The following DOCK1 variants were observed in gnomAD, a reference collection of about 807,000 sequenced individuals.
DOCK1 encodes the protein dedicator of cytokinesis 1.
In DOCK1, 138 loss-of-function variants were observed where a neutral mutation model predicts 262.7. The ratio of observed to expected loss-of-function variants is 0.53; its 90% CI spans 0.46 to 0.61. The LOEUF (loss-of-function observed/expected upper bound fraction) is 0.61. DOCK1 is among the 20% of genes least tolerant of loss of function. The pLI, the probability that DOCK1 is intolerant of heterozygous loss-of-function variation, is 0.00. For missense variants in DOCK1, 1,908 were observed against 2,370.7 expected (o/e 0.80, Z 4.05); for synonymous variants, 866 against 867.4 (o/e 1.00, Z 0.03).
Position 127,418,668 on chromosome 10 carries a change from A to G in DOCK1, c.4692+127A>G, listed in dbSNP as rs978593551. 7 of 1,227,086 alleles carry G rather than the reference A, an allele frequency of 5.7e-6. No homozygotes were observed. The South Asian group carries it at 6.6e-5, about 12-fold the overall frequency. The allele number at this position is 1,227,086 out of a possible 1,614,324, so 76.0% of individuals were successfully genotyped here. On this transcript the variant is annotated intron_variant, in intron 45 of 51. Coordinates refer to ENST00000623213, the MANE Select transcript of DOCK1 (RefSeq NM_001290223.2). The stretch of plus-strand genomic sequence containing the variant: ...GAGCAATCTCAGCAGTGGCCCAGCC[A>G]AGGCCAGGCAGCAGCAGCCAGTGGC...
intron 1 of DOCK1, among the ~76,000 whole-genome samples, chr10:126,929,719 G>A (rs926810921): frequency 4.6e-5 from 7 of 152,090 alleles, no homozygotes; most frequent in Non-Finnish European, 5.9e-5. Context: ...GGACCATTGC[G>A]GGGAGGGGCA....
chr10:126,959,905 C>T lies in DOCK1; in HGVS notation c.47-10797C>T, dbSNP rs1044322676. On this transcript the variant is annotated intron_variant, in intron 1 of 51. Coordinates refer to ENST00000623213, the MANE Select transcript of DOCK1 (RefSeq NM_001290223.2). ...CAATCTCGGCTCACTGCAACCCCCG[C>T]CTCCCGGGTTTCTCCTGCCTCAGCT... 5.6e-3 allele frequency among the ~76,000 whole-genome samples: 851 copies of T among 152,190 alleles called. 5 individuals are homozygous for T. The highest frequency in any genetic ancestry group is 9.8e-3 in the Non-Finnish European group (666 of 67,994).
intron 44 of DOCK1, among the ~76,000 whole-genome samples, chr10:127,416,529 G>A (rs569564513): frequency 2.6e-5 from 4 of 152,220 alleles, no homozygotes; most frequent in South Asian, 4.1e-4. Context: ...GCTTCTCCTC[G>A]GGCTGCTTTG....
intron 40 of DOCK1, among the ~76,000 whole-genome samples, chr10:127,408,012 G>A (rs1215118848): frequency 2.0e-5 from 3 of 152,040 alleles, no homozygotes; most frequent in Non-Finnish European, 4.4e-5. Flanking sequence ...GCCCCTTTCT[G>A]TGACCGAGTT....
chr10:127,257,797 T>C (rs1056135478), intron 29 of DOCK1: 1 of 166,302 alleles, frequency 6.0e-6, no homozygotes, highest in Non-Finnish European at 1.3e-5. Context: ...AAGAGGCTTT[T>C]GCAAAGTGTT....
At chr10:127,412,162 C>T (rs1375087398) in intron 43 of DOCK1, among the ~76,000 whole-genome samples, 1 of 151,874 alleles carries the variant, frequency 6.6e-6, no homozygotes, top group Non-Finnish European at 1.5e-5. Flanking sequence ...CGGGGTTTCA[C>T]GGTGTTAGCC....
At chr10:127,088,122 C>A (rs1013581022) in intron 23 of DOCK1, among the ~76,000 whole-genome samples, 1 of 152,144 alleles carries the variant, frequency 6.6e-6, no homozygotes, top group Non-Finnish European at 1.5e-5. Context: ...ACTTGATAAC[C>A]AGTTCGCTGC....
chr10:126,926,171 C>A (rs570423771), intron 1 of DOCK1, among the ~76,000 whole-genome samples: 5 of 152,006 alleles, frequency 3.3e-5, no homozygotes, highest in Non-Finnish European at 7.4e-5. Flanking sequence ...ATGGGAGTAC[C>A]ATCGGGGCAC....
intron 27 of DOCK1, among the ~76,000 whole-genome samples, chr10:127,229,747 A>G (rs10829606): frequency 0.41 from 61,661 of 152,008 alleles, 12,736 homozygotes; most frequent in East Asian, 0.59. Context: ...GTATATTCTC[A>G]GAAGTGGGAT....
intron 1 of DOCK1, among the ~76,000 whole-genome samples, chr10:126,960,953 A>C (rs1451186034): frequency 6.6e-6 from 1 of 151,964 alleles, no homozygotes; most frequent in East Asian, 1.9e-4. Flanking sequence ...AAAGATATTA[A>C]AATGTCTTTT....
chr10:127,017,679 G>C (rs1245660995), intron 12 of DOCK1, among the ~76,000 whole-genome samples: 2 of 152,196 alleles, frequency 1.3e-5, no homozygotes, highest in African/African-American at 4.8e-5. Context: ...TGTTCTGAGG[G>C]GCAGATGAGG....
chr10:127,219,278 A>G (rs2134418281), intron 27 of DOCK1, among the ~76,000 whole-genome samples: 1 of 152,284 alleles, frequency 6.6e-6, no homozygotes, highest in South Asian at 2.1e-4. Flanking sequence ...GTGCTTTGCC[A>G]TCTTATCAAA....
chr10:127,049,241 G>T (rs1312797312), intron 21 of DOCK1, among the ~76,000 whole-genome samples: 1 of 152,234 alleles, frequency 6.6e-6, no homozygotes, highest in Non-Finnish European at 1.5e-5. Context: ...CATAGGCCGG[G>T]CATGGTGGCT....
chr10:127,438,702 C>T (rs1361413331), intron 48 of DOCK1, among the ~76,000 whole-genome samples: 1 of 152,182 alleles, frequency 6.6e-6, no homozygotes, highest in Non-Finnish European at 1.5e-5. Context: ...CTCTAAAAGA[C>T]GAGGGTTCCC....
intron 29 of DOCK1, among the ~76,000 whole-genome samples, chr10:127,320,433 C>T (rs889094410): frequency 6.6e-6 from 1 of 152,122 alleles, no homozygotes; most frequent in Non-Finnish European, 1.5e-5. Context: ...CCCTTGAGCG[C>T]GGCCACGTGG....
At chr10:127,381,175 T>G (rs113974597) in intron 36 of DOCK1, 103 bp from the exon 37 acceptor site, 6 of 913,554 alleles carry the variant, frequency 6.6e-6, no homozygotes, top group Non-Finnish European at 9.4e-6. Flanking sequence ...AAAAAGGAAG[T>G]GTAGCCATGA....
At chr10:126,969,217 A>C (rs1252601470) in intron 1 of DOCK1, among the ~76,000 whole-genome samples, 1 of 152,230 alleles carries the variant, frequency 6.6e-6, no homozygotes, top group African/African-American at 2.4e-5. Context: ...TATTTTGGCC[A>C]TTGAAAACCT....
intron 2 of DOCK1, among the ~76,000 whole-genome samples, chr10:126,977,467 A>G (rs913901655): frequency 6.6e-6 from 1 of 152,164 alleles, no homozygotes; most frequent in Admixed American, 6.5e-5. Context: ...TGGCTGCTCC[A>G]GGAAAAAGTG....
At chr10:127,438,558 A>G (rs996972686) in intron 48 of DOCK1, among the ~76,000 whole-genome samples, 15 of 152,336 alleles carry the variant, frequency 9.8e-5, no homozygotes, top group Admixed American at 5.2e-4. Flanking sequence ...TGAGCCATGC[A>G]AAGTGCTTTC....
Sources: allele counts gnomAD v4.1 joint callset (sites outside exome capture counted in the v4.1 genomes callset), GRCh38; gene constraint gnomAD v4.1.1; transcripts MANE v1.5; gene names NCBI Gene and HGNC (gene_info 2026-07-23, HGNC 2026-07-21).